UBA6: variants seen among roughly 807,000 people sequenced by gnomAD.
The protein encoded by UBA6 is ubiquitin-like modifier-activating enzyme 6.
UBA6 carries 87 observed loss-of-function variants against 148.3 expected under a neutral mutation model. The observed-to-expected ratio is 0.59, with a 90% confidence interval of 0.49 to 0.70. The LOEUF (loss-of-function observed/expected upper bound fraction) is 0.70. UBA6 is among the 30% of genes least tolerant of loss of function. The pLI, the probability that UBA6 is intolerant of heterozygous loss-of-function variation, is 0.00. For missense variants in UBA6, 1,186 were observed against 1,241.2 expected, an observed-to-expected ratio of 0.96 and a Z score of 0.67; for synonymous variants, 376 against 401.0, an observed-to-expected ratio of 0.94 and a Z score of 0.75.
intron 2 of UBA6, among the ~76,000 whole-genome samples, chr4:67,695,187 G>A (rs954220889): frequency 6.6e-6 from 1 of 152,146 alleles, no homozygotes; most frequent in African/African-American, 2.4e-5. Context: ...AGAAAAACAT[G>A]ACCAAAAGGA....
rs534896133 is a variant in UBA6, at chr4:67,650,485, G to A, written c.1105-1274C>T. On this transcript the variant is annotated intron_variant, in intron 13 of 32. Coordinates refer to ENST00000322244, the MANE Select transcript of UBA6 (RefSeq NM_018227.6). ...TTTTGGTTACCATAGGATAAAGACG[G>A]CAGCCTATAGCTAAATTTCCCCAAA... Among the ~76,000 whole-genome samples the A allele has an allele frequency of 6.2e-4, 94 of 152,106 alleles. 1 individual carries two copies. The highest frequency in any genetic ancestry group is 5.2e-4 in the Admixed American group (8 of 15,268).
intron 5 of UBA6, among the ~76,000 whole-genome samples, chr4:67,678,183 ATATT>A (rs1387688432): frequency 3.8e-5 from 5 of 133,212 alleles, no homozygotes; most frequent in Admixed American, 1.5e-4. Flanking sequence ...GTATATATCA[ATATT>A]TATTTAGCCA....
At chr4:67,685,532 T>G (rs1243925815) in intron 2 of UBA6, among the ~76,000 whole-genome samples, 1 of 152,176 alleles carries the variant, frequency 6.6e-6, no homozygotes, top group African/African-American at 2.4e-5. Flanking sequence ...GTAATAAAAG[T>G]ATTTTGCATT....
chr4:67,642,801 G>A (rs1729337563), intron 17 of UBA6, among the ~76,000 whole-genome samples: 1 of 151,632 alleles, frequency 6.6e-6, no homozygotes, highest in Non-Finnish European at 1.5e-5. Context: ...GGGAACTTTT[G>A]TCATTATCTT....
At chr4:67,651,882 C>CA (rs1455467851) in intron 13 of UBA6, among the ~76,000 whole-genome samples, 1 of 152,014 alleles carries the variant, frequency 6.6e-6, no homozygotes, top group East Asian at 1.9e-4. Context: ...CATTCATACA[C>CA]AAAAAAATTA....
At chr4:67,672,712 C>A (rs1025349376) in intron 7 of UBA6, among the ~76,000 whole-genome samples, 1 of 152,086 alleles carries the variant, frequency 6.6e-6, no homozygotes, top group Non-Finnish European at 1.5e-5. Flanking sequence ...TCCTCAAAAC[C>A]GCCAACCTAA....
At chr4:67,676,588 A>C (rs574825621) in intron 6 of UBA6, among the ~76,000 whole-genome samples, 1 of 152,120 alleles carries the variant, frequency 6.6e-6, no homozygotes, top group Non-Finnish European at 1.5e-5. Context: ...CAATTTCTCT[A>C]GTTTATGTAG....
At chr4:67,688,901 T>A (rs944578142) in intron 2 of UBA6, among the ~76,000 whole-genome samples, 1 of 152,114 alleles carries the variant, frequency 6.6e-6, no homozygotes, top group Non-Finnish European at 1.5e-5. Context: ...TAGTAAATAC[T>A]AACTAAATTT....
intron 1 of UBA6, 56 bp downstream of exon 1, chr4:67,700,993 C>T: frequency 1.2e-6 from 2 of 1,602,456 alleles, no homozygotes; most frequent in East Asian, 4.5e-5. Context: ...GAAGCAGAAA[C>T]CCGGAGCCTG....
chr4:67,682,354 T>A, intron 2 of UBA6, 141 bp from the exon 3 acceptor site: 1 of 615,546 alleles, frequency 1.6e-6, no homozygotes, highest in South Asian at 2.3e-5. Context: ...TGTTTAAACA[T>A]TTCTGAATTA....
Position 67,630,520 on chromosome 4 carries a change from A to C in UBA6, c.2274T>G (p.Leu758=), listed in dbSNP as rs1038450471. The C allele has an allele frequency of 3.8e-6, 6 of 1,584,760 alleles. No homozygotes were observed. The African/African-American group carries it at 6.7e-5, about 18-fold the overall frequency. ...DLNEPLHLSF[L]QNAAKLYATV... ...TAGCATATAGTTTTGCAGCATTCTG[A>C]AGGAAACTGAGGTGCCTTTTGAAAT... Residue 758 remains leucine, a synonymous_variant, in exon 26 of 33, where the codon CTT becomes CTG. Transcript: ENST00000322244.
intron 2 of UBA6, among the ~76,000 whole-genome samples, chr4:67,685,550 C>T (rs1198325139): frequency 6.6e-6 from 1 of 151,964 alleles, no homozygotes; most frequent in African/African-American, 2.4e-5. Context: ...ATTATGAGGA[C>T]AAAAATTTGG....
chr4:67,673,117 A>C (rs964817396), intron 7 of UBA6, among the ~76,000 whole-genome samples: 4 of 152,180 alleles, frequency 2.6e-5, no homozygotes, highest in Non-Finnish European at 1.5e-5. Context: ...ATGAATATTC[A>C]TTGAATGAAC....
At chr4:67,647,975 A>G (rs1729460926) in intron 14 of UBA6, among the ~76,000 whole-genome samples, 1 of 151,008 alleles carries the variant, frequency 6.6e-6, no homozygotes, top group African/African-American at 2.4e-5. Flanking sequence ...GGGTTTCACC[A>G]TGTTAGCCAG....
intron 16 of UBA6, 47 bp from the exon 17 acceptor site, chr4:67,644,825 G>A (rs753027911): frequency 2.2e-6 from 2 of 914,142 alleles, no homozygotes; most frequent in Admixed American, 4.1e-5. Context: ...TAACCTATCT[G>A]TGAATCATTT....
At chr4:67,635,353 C>A in intron 20 of UBA6, 100 bp downstream of exon 20, 1 of 695,490 alleles carries the variant, frequency 1.4e-6, no homozygotes, top group Non-Finnish European at 2.4e-6. Flanking sequence ...ATTGGCAGAG[C>A]AAAATCAGAA....
At chr4:67,673,914 A>T in intron 6 of UBA6, 137 bp from the exon 7 acceptor site, 1 of 478,950 alleles carries the variant, frequency 2.1e-6, no homozygotes, top group East Asian at 3.4e-5. Context: ...ATCCTACGGA[A>T]TTCCATTCCA....
At chr4:67,646,843 T>C (rs1320876657) in intron 14 of UBA6, 52 bp from the exon 15 acceptor site, 2 of 1,196,782 alleles carry the variant, frequency 1.7e-6, no homozygotes, top group Non-Finnish European at 2.3e-6. Context: ...CAAATTACTA[T>C]AAAAAGAAGC....
rs1298893098 is a variant in UBA6, at chr4:67,665,251, G to A, written c.835C>T (p.Leu279=). Reference sequence around the variant, plus strand: ...ATGCCTCCATGTAAATATGGTTCCAGTTCTGTGGTGTCACCAATACTAAAA... The same window carrying A: ...ATGCCTCCATGTAAATATGGTTCCAATTCTGTGGTGTCACCAATACTAAAA... ...FSFSIGDTTE[L]EPYLHGGIAV... is the part of the protein sequence containing the mutation. The change falls in exon 10 of 33, where the codon CTG becomes TTG. Residue 279 remains leucine, a synonymous_variant. Coordinates refer to ENST00000322244, the MANE Select transcript of UBA6 (RefSeq NM_018227.6). 6.2e-7 allele frequency: 1 copy of A among 1,606,218 alleles called. No homozygotes were observed. The highest frequency in any genetic ancestry group is 1.3e-5 in the African/African-American group (1 of 74,480).
Sources: gnomAD v4.1 joint callset for allele counts (sites outside exome capture counted in the v4.1 genomes callset) on GRCh38, gnomAD v4.1.1 for gene constraint, MANE v1.5 for transcripts, NCBI Gene and HGNC (gene_info 2026-07-23, HGNC 2026-07-21) for gene names.